THSD7B: variants seen among roughly 807,000 people sequenced by gnomAD.
THSD7B encodes thrombospondin type 1 domain containing 7B, also known as thrombospondin type-1 domain-containing protein 7B.
Under a neutral mutation model 213.6 loss-of-function variants are expected in THSD7B, and 138 were observed. The observed-to-expected ratio is 0.65, with a 90% CI of 0.56 to 0.74. The LOEUF is 0.74. Ranked by LOEUF, THSD7B falls within the 30% of genes least tolerant of loss-of-function variation. THSD7B has a pLI of 0.00. For missense variants in THSD7B, 1,931 were observed against 1,991.5 expected, an observed-to-expected ratio of 0.97 and a Z score of 0.58; for synonymous variants, 742 against 687.0, an observed-to-expected ratio of 1.08 and a Z score of -1.25.
At chr2:137,535,873 G>T (rs774774001) in intron 15 of THSD7B, among the ~76,000 whole-genome samples, 2 of 151,376 alleles carry the variant, frequency 1.3e-5, no homozygotes, top group East Asian at 4.0e-4. Flanking sequence ...ATTATCAGTG[G>T]GGGGAACAGA....
chr2:137,043,538 C>T (rs936854394), intron 2 of THSD7B, among the ~76,000 whole-genome samples: 17 of 152,044 alleles, frequency 1.1e-4, no homozygotes, highest in African/African-American at 3.1e-4. Context: ...AGTTTTGCTC[C>T]GAGGAGGAGA....
chr2:137,419,537 A>G (rs1430675251), intron 14 of THSD7B, among the ~76,000 whole-genome samples: 1 of 151,628 alleles, frequency 6.6e-6, no homozygotes, highest in Middle Eastern at 3.4e-3. Flanking sequence ...GGCTGGGTCC[A>G]GGGCTTTTAT....
At position 137,475,332 on chromosome 2, in the gene THSD7B, C is replaced by T. The variant is rs187242707; in HGVS notation, c.3138+24309C>T. Among the ~76,000 whole-genome samples the T allele has an allele frequency of 6.8e-4, 104 of 152,176 alleles. 1 individual carries two copies. The highest frequency in any genetic ancestry group is 2.1e-3 in the African/African-American group (89 of 41,532). On this transcript the variant is annotated intron_variant, in intron 15 of 27. Coordinates refer to ENST00000409968, the MANE Select transcript of THSD7B (RefSeq NM_001316349.2). Reference sequence around the variant, plus strand: ...CAAGTATTTATCATTTCTATGTGTTCGGAAACTTTCAAATTCTCTCTTCTA... The same window carrying T: ...CAAGTATTTATCATTTCTATGTGTTTGGAAACTTTCAAATTCTCTCTTCTA...
intron 3 of THSD7B, among the ~76,000 whole-genome samples, chr2:137,089,893 G>A (rs1015186549): frequency 2.6e-5 from 4 of 152,012 alleles, no homozygotes; most frequent in Non-Finnish European, 5.9e-5. Flanking sequence ...TGTAGTCCCA[G>A]CTACTTGGGA....
intron 5 of THSD7B, among the ~76,000 whole-genome samples, chr2:137,128,597 A>G (rs1243737228): frequency 6.6e-6 from 1 of 152,226 alleles, no homozygotes; most frequent in Admixed American, 6.5e-5. Context: ...TAAAACGTGC[A>G]AATTGAGACC....
intron 15 of THSD7B, among the ~76,000 whole-genome samples, chr2:137,504,037 GA>G (rs544461114): frequency 0.051 from 6,271 of 124,138 alleles, 245 homozygotes; most frequent in African/African-American, 0.12. Flanking sequence ...AAAAAAAAAA[GA>G]AAAAAAAAAA....
intron 10 of THSD7B, among the ~76,000 whole-genome samples, chr2:137,249,971 C>A (rs1209325329): frequency 6.6e-6 from 1 of 152,182 alleles, no homozygotes; most frequent in African/African-American, 2.4e-5. Flanking sequence ...ATTACTCCTG[C>A]TTCACAGATG....
intron 2 of THSD7B, among the ~76,000 whole-genome samples, chr2:137,022,461 A>T (rs1308624335): frequency 6.6e-6 from 1 of 152,150 alleles, no homozygotes; most frequent in Non-Finnish European, 1.5e-5. Flanking sequence ...AAGTATTTGT[A>T]ATGAAAATTT....
At chr2:137,091,352 G>T (rs1359917682) in intron 3 of THSD7B, among the ~76,000 whole-genome samples, 2 of 151,934 alleles carry the variant, frequency 1.3e-5, no homozygotes, top group African/African-American at 4.8e-5. Flanking sequence ...CTTTATGAAG[G>T]GAAAAATGAA....
chr2:137,154,489 A>C (rs546954461), intron 5 of THSD7B, among the ~76,000 whole-genome samples: 1 of 152,306 alleles, frequency 6.6e-6, no homozygotes, highest in South Asian at 2.1e-4. Context: ...AAAGAGGGAT[A>C]CATGGTTATT....
chr2:137,271,482 A>C (rs1682739145), intron 10 of THSD7B, among the ~76,000 whole-genome samples: 1 of 138,586 alleles, frequency 7.2e-6, no homozygotes, highest in Admixed American at 7.2e-5. Flanking sequence ...ATAATATAAA[A>C]TCATATATAT....
chr2:136,800,739 C>A (rs535793081), intron 1 of THSD7B, among the ~76,000 whole-genome samples: 4 of 151,102 alleles, frequency 2.6e-5, no homozygotes, highest in Admixed American at 2.0e-4. Flanking sequence ...ATGGGTCAAG[C>A]CTCTATAGAA....
At chr2:137,637,918 G>A (rs1294386259) in intron 20 of THSD7B, among the ~76,000 whole-genome samples, 3 of 152,146 alleles carry the variant, frequency 2.0e-5, no homozygotes, top group African/African-American at 7.2e-5. Context: ...GATAATAGGT[G>A]TTTCAGTCAA....
chr2:137,319,605 A>G (rs1684218926), intron 12 of THSD7B, among the ~76,000 whole-genome samples: 1 of 152,216 alleles, frequency 6.6e-6, no homozygotes, highest in Admixed American at 6.5e-5. Flanking sequence ...AAGCACTGAA[A>G]AGATGTTATC....
intron 14 of THSD7B, among the ~76,000 whole-genome samples, chr2:137,441,535 C>T (rs192070906): frequency 5.9e-5 from 9 of 152,016 alleles, no homozygotes; most frequent in Admixed American, 2.0e-4. Flanking sequence ...TAGGCCATGA[C>T]ATATGTAGAG....
chr2:137,081,483 A>T (rs1432548770), intron 3 of THSD7B, among the ~76,000 whole-genome samples: 1 of 151,882 alleles, frequency 6.6e-6, no homozygotes. Context: ...ACATCTTGTT[A>T]TTCATAATTC....
intron 15 of THSD7B, among the ~76,000 whole-genome samples, chr2:137,515,856 C>T (rs1162423183): frequency 6.6e-6 from 1 of 152,184 alleles, no homozygotes; most frequent in Non-Finnish European, 1.5e-5. Context: ...GAGTGGATTA[C>T]TCACTCCAGA....
chr2:136,850,846 A>G (rs928180614), intron 1 of THSD7B, among the ~76,000 whole-genome samples: 2 of 151,916 alleles, frequency 1.3e-5, no homozygotes, highest in Non-Finnish European at 2.9e-5. Context: ...TTTTGGAAGT[A>G]TATCCTTTAA....
intron 1 of THSD7B, among the ~76,000 whole-genome samples, chr2:136,811,532 T>C (rs1459712257): frequency 6.6e-6 from 1 of 152,282 alleles, no homozygotes; most frequent in African/African-American, 2.4e-5. Flanking sequence ...TTATTTATCA[T>C]GAAAATTTCT....
Sources: allele counts gnomAD v4.1 joint callset (sites outside exome capture counted in the v4.1 genomes callset), GRCh38; gene constraint gnomAD v4.1.1; transcripts MANE v1.5; gene names NCBI Gene and HGNC (gene_info 2026-07-23, HGNC 2026-07-21).